TMEM244: variants seen among roughly 807,000 people sequenced by gnomAD.
The protein encoded by TMEM244 is transmembrane protein 244.
TMEM244 carries 13 observed loss-of-function variants against 15.8 expected under a neutral mutation model. The ratio of observed to expected loss-of-function variants is 0.82; its 90% CI spans 0.53 to 1.30. The LOEUF is 1.30. TMEM244 is among the 50% of genes most tolerant of loss of function. TMEM244 has a pLI of 0.00. For missense variants in TMEM244, 161 were observed against 144.9 expected (o/e 1.11, Z -0.57); for synonymous variants, 45 against 48.7 (o/e 0.92, Z 0.32).
intron 2 of TMEM244, among the ~76,000 whole-genome samples, chr6:129,844,139 T>TA (rs930582945): frequency 1.1e-4 from 17 of 152,278 alleles, no homozygotes; most frequent in African/African-American, 2.9e-4. Flanking sequence ...CCATTTGTAT[T>TA]AAAAAAACCT....
intron 3 of TMEM244, 118 bp downstream of exon 3, chr6:129,843,412 A>G: frequency 3.4e-6 from 2 of 588,128 alleles, no homozygotes; most frequent in South Asian, 8.0e-5. Flanking sequence ...GAAATCAGAT[A>G]AAATACATAG....
chr6:129,853,163 AC>A (rs1314227514), intron 1 of TMEM244, among the ~76,000 whole-genome samples: 2 of 152,138 alleles, frequency 1.3e-5, no homozygotes, highest in African/African-American at 2.4e-5. Context: ...ATATAAGATC[AC>A]CCGTGGGTCC....
intron 3 of TMEM244, among the ~76,000 whole-genome samples, chr6:129,835,567 A>G (rs771002453): frequency 6.6e-6 from 1 of 152,142 alleles, no homozygotes; most frequent in African/African-American, 2.4e-5. Flanking sequence ...CAGTGGGTGC[A>G]GCCCATGGAG....
At chr6:129,836,370 A>T (rs112378310) in intron 3 of TMEM244, among the ~76,000 whole-genome samples, 56,663 of 152,018 alleles carry the variant, frequency 0.37, 11,062 homozygotes, top group South Asian at 0.5. Context: ...AAAAATAGCA[A>T]CAAGATCAAC....
Position 129,861,233 on chromosome 6 carries a change from T to C in TMEM244, c.-45A>G, listed in dbSNP as rs753353139. On this transcript the variant is annotated 5_prime_UTR_variant, in exon 1 of 5. Coordinates refer to ENST00000368143, the MANE Select transcript of TMEM244 (RefSeq NM_001010876.2). Reference sequence around the variant, plus strand: ...GAGGTGATGAAAGCCCCACTCCTTATAGCGATGACATCTGGAAGAAGACAC... The same window carrying C: ...GAGGTGATGAAAGCCCCACTCCTTACAGCGATGACATCTGGAAGAAGACAC... 6 of 1,607,968 alleles carry C rather than the reference T, an allele frequency of 3.7e-6. No homozygotes were observed. The highest frequency in any genetic ancestry group is 2.2e-5 in the South Asian group (2 of 90,680).
At chr6:129,846,843 G>A (rs1776566896) in intron 1 of TMEM244, among the ~76,000 whole-genome samples, 2 of 152,210 alleles carry the variant, frequency 1.3e-5, no homozygotes, top group African/African-American at 2.4e-5. Context: ...GCCCTGAAAT[G>A]TACTCTTCCA....
chr6:129,861,110 C>T (rs759422286), intron 1 of TMEM244, 46 bp downstream of exon 1: 7 of 1,605,012 alleles, frequency 4.4e-6, no homozygotes, highest in East Asian at 2.2e-5. Context: ...TACACCAGTG[C>T]TAGGCAGCAA....
At chr6:129,840,645 C>A (rs1187635902) in intron 3 of TMEM244, among the ~76,000 whole-genome samples, 1 of 152,096 alleles carries the variant, frequency 6.6e-6, no homozygotes, top group Non-Finnish European at 1.5e-5. Flanking sequence ...AACAGGCAAC[C>A]TACAGAATGG....
At chr6:129,846,059 G>T (rs533904513) in intron 1 of TMEM244, among the ~76,000 whole-genome samples, 566 of 152,166 alleles carry the variant, frequency 3.7e-3, no homozygotes, top group Middle Eastern at 0.017. Context: ...ATGTGTCTTT[G>T]GGTTTGGTTT....
chr6:129,833,514 C>G lies in TMEM244; in HGVS notation c.265G>C (p.Val89Leu). ...LFFVPVVEEW[V>L]WDYAISVTIL... ...GTGACTGAAATAGCATAATCCCAAA[C>G]CCATTCTTCCACAACTGGAACAAAA... The change falls in exon 4 of 5, where the codon GTT (valine) becomes CTT (leucine). Residue 89 changes from valine to leucine, a missense_variant. Coordinates refer to ENST00000368143, the MANE Select transcript of TMEM244 (RefSeq NM_001010876.2). 1 of 1,613,260 alleles carries G rather than the reference C, an allele frequency of 6.2e-7. No homozygotes were observed. The highest frequency in any genetic ancestry group is 8.5e-7 in the Non-Finnish European group (1 of 1,179,598).
chr6:129,843,643 G>C (rs1157160408), intron 2 of TMEM244, 40 bp from the exon 3 acceptor site: 1 of 1,465,916 alleles, frequency 6.8e-7, no homozygotes, highest in Admixed American at 1.7e-5. Flanking sequence ...CTCTGAATGA[G>C]GCAGTTCATA....
intron 3 of TMEM244, among the ~76,000 whole-genome samples, chr6:129,843,246 T>C (rs1275521433): frequency 6.6e-6 from 1 of 152,148 alleles, no homozygotes; most frequent in East Asian, 1.9e-4. Context: ...TTCTTCCTTT[T>C]CTTTAAAAAT....
chr6:129,860,086 G>T (rs982508034), intron 1 of TMEM244, among the ~76,000 whole-genome samples: 6 of 147,374 alleles, frequency 4.1e-5, no homozygotes, highest in African/African-American at 1.5e-4. Flanking sequence ...CAACTATCTG[G>T]ATATTTTCTC....
intron 3 of TMEM244, among the ~76,000 whole-genome samples, chr6:129,835,563 G>A (rs556344108): frequency 4.5e-4 from 69 of 152,228 alleles, no homozygotes; most frequent in African/African-American, 1.6e-3. Context: ...TGGACAGTGG[G>A]TGCAGCCCAT....
intron 1 of TMEM244, among the ~76,000 whole-genome samples, chr6:129,854,769 T>G (rs1475969266): frequency 6.6e-6 from 1 of 152,142 alleles, no homozygotes; most frequent in Admixed American, 6.5e-5. Flanking sequence ...TGTTTCAAAT[T>G]TACAACAGGT....
chr6:129,860,867 G>A (rs969333939), intron 1 of TMEM244, among the ~76,000 whole-genome samples: 3 of 151,320 alleles, frequency 2.0e-5, no homozygotes, highest in African/African-American at 7.3e-5. Flanking sequence ...TTCAGAAAAC[G>A]ATAGCAGACG....
chr6:129,835,787 G>A (rs992587917), intron 3 of TMEM244, among the ~76,000 whole-genome samples: 6 of 152,188 alleles, frequency 3.9e-5, no homozygotes, highest in African/African-American at 1.4e-4. Flanking sequence ...CACACCCACG[G>A]AGCCTTGCTC....
chr6:129,852,044 A>G (rs960134082), intron 1 of TMEM244, among the ~76,000 whole-genome samples: 2 of 152,220 alleles, frequency 1.3e-5, no homozygotes, highest in Admixed American at 6.5e-5. Context: ...GCATAAGGAC[A>G]TATTTGCAGT....
intron 3 of TMEM244, among the ~76,000 whole-genome samples, chr6:129,842,499 AC>A (rs1322579449): frequency 1.3e-5 from 2 of 152,136 alleles, no homozygotes; most frequent in African/African-American, 4.8e-5. Flanking sequence ...AGTTTCCTAT[AC>A]AAATTATAGT....
Sources: allele counts gnomAD v4.1 joint callset (sites outside exome capture counted in the v4.1 genomes callset), GRCh38; gene constraint gnomAD v4.1.1; transcripts MANE v1.5; gene names NCBI Gene and HGNC (gene_info 2026-07-23, HGNC 2026-07-21).